The following DOCK3 variants were observed in gnomAD, a reference collection of about 807,000 sequenced individuals.
DOCK3 encodes dedicator of cytokinesis protein 3.
Under a neutral mutation model 265.6 loss-of-function variants are expected in DOCK3, and 60 were observed. The observed-to-expected ratio is 0.23, with a 90% CI of 0.18 to 0.28. The LOEUF (loss-of-function observed/expected upper bound fraction) is 0.28, where lower values mean the gene tolerates loss of function less well. DOCK3 is among the 10% of genes least tolerant of loss of function. The pLI, the probability that DOCK3 is intolerant of heterozygous loss-of-function variation, is 1.00. For missense variants in DOCK3, 1,981 were observed against 2,594.3 expected (o/e 0.76, Z 5.14); for synonymous variants, 881 against 938.0 (o/e 0.94, Z 1.11).
intron 5 of DOCK3, among the ~76,000 whole-genome samples, chr3:50,939,384 G>A (rs890877742): frequency 4.6e-5 from 7 of 152,002 alleles, no homozygotes; most frequent in African/African-American, 1.4e-4. Context: ...CATCTTATGA[G>A]GCTGCTATTA....
chr3:50,724,774 A>ATGT (rs2037708198), intron 1 of DOCK3, among the ~76,000 whole-genome samples: 1 of 152,162 alleles, frequency 6.6e-6, no homozygotes, highest in Non-Finnish European at 1.5e-5. Flanking sequence ...AACATGACAC[A>ATGT]TGTATACCTA....
At chr3:50,768,062 CAG>C (rs2041019323) in intron 1 of DOCK3, among the ~76,000 whole-genome samples, 2 of 152,136 alleles carry the variant, frequency 1.3e-5, no homozygotes, top group South Asian at 4.1e-4. Flanking sequence ...CGTCTGCAAA[CAG>C]GGACAATTTG....
In DOCK3 at chr3:51,171,846, G is replaced by A. The variant is rs547285203; in HGVS notation, c.1037+11144G>A. Among the ~76,000 whole-genome samples, 6 of 152,108 alleles carry A rather than the reference G, an allele frequency of 3.9e-5. No homozygotes were observed. In the East Asian group the frequency reaches 1.2e-3, roughly 29 times the overall value. ...CTGTATATGTCTGTTAGATCCACTTGGTTTACACTGTTACTCAAGTCTGCT... is the reference window on the plus strand; with the variant it reads ...CTGTATATGTCTGTTAGATCCACTTAGTTTACACTGTTACTCAAGTCTGCT... On this transcript the variant is annotated intron_variant, in intron 12 of 52. Coordinates refer to ENST00000266037, the MANE Select transcript of DOCK3 (RefSeq NM_004947.5).
At position 51,270,586 on chromosome 3, in the gene DOCK3, A is replaced by G. The variant is rs562594321; in HGVS notation, c.2356-229A>G. On this transcript the variant is annotated intron_variant, in intron 23 of 52. Transcript: ENST00000266037. ...CAGCAAATGCTATATGCAAGTTATG[A>G]AAGCCTCCAATTGCCTGGATCCCAG... Among the ~76,000 whole-genome samples, 6 of 152,360 alleles carry G rather than the reference A, an allele frequency of 3.9e-5. No homozygotes were observed. The South Asian group carries it at 1.2e-3, about 32-fold the overall frequency.
chr3:51,216,675 C>T (rs1025812816), intron 14 of DOCK3, among the ~76,000 whole-genome samples: 24 of 152,176 alleles, frequency 1.6e-4, no homozygotes, highest in African/African-American at 5.5e-4. Context: ...CCTTAATATG[C>T]CCCAATATAC....
chr3:51,002,043 T>TA (rs148856119), intron 5 of DOCK3, among the ~76,000 whole-genome samples: 4,064 of 152,230 alleles, frequency 0.027, 86 homozygotes, highest in Non-Finnish European at 0.042. Flanking sequence ...ACTCCTGGGC[T>TA]AAAGGAATCC....
chr3:51,230,817 T>C (rs902754087), intron 19 of DOCK3, among the ~76,000 whole-genome samples: 1 of 152,084 alleles, frequency 6.6e-6, no homozygotes, highest in Non-Finnish European at 1.5e-5. Context: ...GCCCGACCTA[T>C]GTACCACATT....
At chr3:51,310,994 G>T (rs1306534507) in intron 28 of DOCK3, among the ~76,000 whole-genome samples, 1 of 152,194 alleles carries the variant, frequency 6.6e-6, no homozygotes, top group Admixed American at 6.5e-5. Flanking sequence ...TACTAGCATG[G>T]TCTTTCCACT....
At chr3:51,271,843 T>A (rs1227552661) in intron 24 of DOCK3, among the ~76,000 whole-genome samples, 1 of 129,750 alleles carries the variant, frequency 7.7e-6, no homozygotes, top group East Asian at 2.2e-4. Flanking sequence ...AGAGCGAGAC[T>A]GTCTCAGGAA....
chr3:51,261,242 A>G (rs946799224), intron 23 of DOCK3, among the ~76,000 whole-genome samples: 1 of 151,824 alleles, frequency 6.6e-6, no homozygotes, highest in Admixed American at 6.6e-5. Flanking sequence ...GACTGGCTAG[A>G]CAGTGGGTGC....
chr3:50,684,237 T>G (rs777982526), intron 1 of DOCK3, among the ~76,000 whole-genome samples: 7 of 152,184 alleles, frequency 4.6e-5, no homozygotes, highest in Non-Finnish European at 8.8e-5. Flanking sequence ...TTCTAGATCA[T>G]GCTTAATTTC....
chr3:51,016,532 A>G (rs1301647026), intron 5 of DOCK3, among the ~76,000 whole-genome samples: 1 of 49,440 alleles, frequency 2.0e-5, no homozygotes, highest in Non-Finnish European at 3.0e-5. Flanking sequence ...TCTATATAAT[A>G]TATGATATAT....
intron 9 of DOCK3, among the ~76,000 whole-genome samples, chr3:51,106,353 GC>G (rs2083279610): frequency 6.6e-6 from 1 of 152,198 alleles, no homozygotes; most frequent in Non-Finnish European, 1.5e-5. Flanking sequence ...CAGCATAGCA[GC>G]CCCCACTGAC....
chr3:51,009,668 T>A (rs1489822145), intron 5 of DOCK3, among the ~76,000 whole-genome samples: 3 of 152,218 alleles, frequency 2.0e-5, no homozygotes, highest in Admixed American at 6.5e-5. Flanking sequence ...AGCTTTTGAA[T>A]GTGTTTGCTC....
intron 1 of DOCK3, among the ~76,000 whole-genome samples, chr3:50,687,890 G>A (rs1381972950): frequency 6.6e-6 from 1 of 152,180 alleles, no homozygotes; most frequent in Admixed American, 6.5e-5. Flanking sequence ...ATATCCTCAT[G>A]TGCATCCTCC....
intron 1 of DOCK3, among the ~76,000 whole-genome samples, chr3:50,724,800 C>T (rs916547374): frequency 1.3e-5 from 2 of 152,088 alleles, no homozygotes; most frequent in African/African-American, 4.8e-5. Flanking sequence ...CAAACCTGCA[C>T]GTTGTGCACA....
intron 37 of DOCK3, among the ~76,000 whole-genome samples, chr3:51,339,577 A>G (rs2085097656): frequency 6.6e-6 from 1 of 152,216 alleles, no homozygotes; most frequent in Non-Finnish European, 1.5e-5. Context: ...CAGGCCAGAT[A>G]GGGCTCCTTT....
chr3:50,986,748 A>T (rs1380531573), intron 5 of DOCK3, among the ~76,000 whole-genome samples: 1 of 152,256 alleles, frequency 6.6e-6, no homozygotes, highest in Non-Finnish European at 1.5e-5. Context: ...AGATTAAATT[A>T]CCTAGTATAA....
chr3:51,356,073 T>C lies in DOCK3; in HGVS notation c.4250-16T>C. On this transcript the variant is annotated splice_polypyrimidine_tract_variant and intron_variant, in intron 41 of 52. Coordinates refer to ENST00000266037, the MANE Select transcript of DOCK3 (RefSeq NM_004947.5). ...AGCTCTGGCAAGTCTGTGTTTCTCCTTCACTTCCTGCCCAGACTTGCAGAT... is the reference window on the plus strand; with the variant it reads ...AGCTCTGGCAAGTCTGTGTTTCTCCCTCACTTCCTGCCCAGACTTGCAGAT... 6.2e-7 allele frequency: 1 copy of C among 1,613,720 alleles called. No individual in the cohort carries two copies. The highest frequency in any genetic ancestry group is 8.5e-7 in the Non-Finnish European group (1 of 1,179,746).
Sources: gnomAD v4.1 joint callset for allele counts (sites outside exome capture counted in the v4.1 genomes callset) on GRCh38, gnomAD v4.1.1 for gene constraint, MANE v1.5 for transcripts, NCBI Gene and HGNC (gene_info 2026-07-23, HGNC 2026-07-21) for gene names.